Variants in CDH13 observed in about 807,000 individuals in gnomAD.
The protein encoded by CDH13 is cadherin 13.
In CDH13, 24 loss-of-function variants were observed where a neutral mutation model predicts 63.8. That is an observed-to-expected ratio of 0.38 (90% confidence interval 0.27 to 0.53). The LOEUF (loss-of-function observed/expected upper bound fraction) is 0.53. Among genes scored for constraint, CDH13 ranks in the 20% least tolerant of loss-of-function variants. CDH13 has a pLI of 0.85. For missense variants in CDH13, 1,049 were observed against 903.1 expected (o/e 1.16, Z -2.07); for synonymous variants, 503 against 355.3 (o/e 1.42, Z -4.67).
At chr16:83,563,186 C>G (rs2150691327) in intron 7 of CDH13, among the ~76,000 whole-genome samples, 1 of 152,322 alleles carries the variant, frequency 6.6e-6, no homozygotes, top group South Asian at 2.1e-4. Flanking sequence ...TGGCATCTAC[C>G]AGCTGCTTCC....
In CDH13 at chr16:82,769,424, G is replaced by C. The variant is rs576754618; in HGVS notation, c.46-88938G>C. On this transcript the variant is annotated intron_variant, in intron 1 of 13. Transcript: ENST00000567109. Reference sequence around the variant, plus strand: ...CTGTATCCTCCTGTGTTAGAAAATGGGGTATTAAAAAGGCTTCATGCCCTC... The same window carrying C: ...CTGTATCCTCCTGTGTTAGAAAATGCGGTATTAAAAAGGCTTCATGCCCTC... Among the ~76,000 whole-genome samples the C allele has an allele frequency of 3.9e-5, 6 of 152,226 alleles. No individual in the cohort carries two copies. In the South Asian group the frequency reaches 1.2e-3, roughly 32 times the overall value.
chr16:83,039,947 G>A (rs757001303), intron 3 of CDH13, among the ~76,000 whole-genome samples: 3 of 151,898 alleles, frequency 2.0e-5, no homozygotes, highest in African/African-American at 7.3e-5. Flanking sequence ...TCCCCCAGCT[G>A]GCTAGGTGTT....
At chr16:83,370,607 C>A (rs1012595415) in intron 6 of CDH13, among the ~76,000 whole-genome samples, 1 of 152,046 alleles carries the variant, frequency 6.6e-6, no homozygotes, top group Non-Finnish European at 1.5e-5. Context: ...TTTTTGTTCT[C>A]ACCCTCTTCC....
intron 5 of CDH13, among the ~76,000 whole-genome samples, chr16:83,248,248 G>C (rs1905157819): frequency 1.3e-5 from 2 of 152,138 alleles, no homozygotes; most frequent in Non-Finnish European, 2.9e-5. Flanking sequence ...AGAGAATAGT[G>C]TGCATGAGCT....
At chr16:82,814,526 G>A (rs1288338521) in intron 1 of CDH13, among the ~76,000 whole-genome samples, 1 of 152,160 alleles carries the variant, frequency 6.6e-6, no homozygotes, top group Admixed American at 6.5e-5. Context: ...AGGGCTTCCA[G>A]GTTGCTGAAC....
intron 5 of CDH13, among the ~76,000 whole-genome samples, chr16:83,280,097 T>C (rs183769888): frequency 5.3e-5 from 8 of 152,326 alleles, no homozygotes; most frequent in African/African-American, 1.7e-4. Flanking sequence ...TTTTTTAAAA[T>C]AAGACAACAA....
chr16:82,702,432 G>C (rs1404324638), intron 1 of CDH13, among the ~76,000 whole-genome samples: 3 of 152,164 alleles, frequency 2.0e-5, no homozygotes, highest in African/African-American at 4.8e-5. Context: ...GTTCGTCTCA[G>C]TGCTCCCCAG....
chr16:83,212,415 C>G (rs1156511011), intron 4 of CDH13, among the ~76,000 whole-genome samples: 1 of 152,166 alleles, frequency 6.6e-6, no homozygotes, highest in Non-Finnish European at 1.5e-5. Flanking sequence ...TGAAGAGGGA[C>G]TTTCCCCACT....
intron 10 of CDH13, among the ~76,000 whole-genome samples, chr16:83,716,591 C>A (rs943306036): frequency 3.3e-5 from 5 of 152,158 alleles, no homozygotes; most frequent in Non-Finnish European, 4.4e-5. Flanking sequence ...TCAAGCAATC[C>A]TCCTGCCTCA....
chr16:83,152,644 A>C (rs2037033880), intron 4 of CDH13, among the ~76,000 whole-genome samples: 1 of 152,224 alleles, frequency 6.6e-6, no homozygotes, highest in South Asian at 2.1e-4. Flanking sequence ...AAACCTTAGC[A>C]ATAATATGGG....
chr16:83,759,818 C>T (rs1332384279), intron 11 of CDH13, among the ~76,000 whole-genome samples: 3 of 151,848 alleles, frequency 2.0e-5, no homozygotes, highest in Non-Finnish European at 4.4e-5. Context: ...GTCCCAGCTA[C>T]ACAGGAGGCT....
At chr16:83,113,138 T>C (rs567406806) in intron 3 of CDH13, among the ~76,000 whole-genome samples, 3 of 152,314 alleles carry the variant, frequency 2.0e-5, no homozygotes, top group South Asian at 4.1e-4. Flanking sequence ...CTGCGGTAGA[T>C]TCTGGTTTAA....
chr16:83,329,949 C>A (rs2090446584), intron 5 of CDH13, among the ~76,000 whole-genome samples: 1 of 152,130 alleles, frequency 6.6e-6, no homozygotes, highest in Non-Finnish European at 1.5e-5. Context: ...TGGGTTGTTT[C>A]TATTTTTTAA....
chr16:83,656,619 C>A (rs1912894714), intron 8 of CDH13, among the ~76,000 whole-genome samples: 1 of 152,136 alleles, frequency 6.6e-6, no homozygotes, highest in South Asian at 2.1e-4. Flanking sequence ...GCATTGTTAC[C>A]CTTGAATGGT....
chr16:82,792,465 C>T (rs779600235), intron 1 of CDH13, among the ~76,000 whole-genome samples: 1 of 152,264 alleles, frequency 6.6e-6, no homozygotes, highest in Middle Eastern at 3.4e-3. Context: ...GTGCAAGTCC[C>T]AATACACAAT....
intron 5 of CDH13, among the ~76,000 whole-genome samples, chr16:83,309,383 C>CT (rs144221361): frequency 0.39 from 57,909 of 149,736 alleles, 11,238 homozygotes; most frequent in East Asian, 0.51. Flanking sequence ...TCTCTCCCTT[C>CT]TTTTTTTTTT....
intron 6 of CDH13, among the ~76,000 whole-genome samples, chr16:83,426,275 G>A (rs1053185168): frequency 6.6e-6 from 1 of 152,088 alleles, no homozygotes; most frequent in African/African-American, 2.4e-5. Context: ...TCTCCTTTCA[G>A]CATTTGAGTG....
Position 83,154,846 on chromosome 16 carries a change from T to C in CDH13, c.483+29345T>C, listed in dbSNP as rs530446797. Among the ~76,000 whole-genome samples, 3 of 152,332 alleles carry C rather than the reference T, an allele frequency of 2.0e-5. No homozygotes were observed. In the South Asian group the frequency reaches 6.2e-4, roughly 32 times the overall value. On this transcript the variant is annotated intron_variant, in intron 4 of 13. Coordinates refer to ENST00000567109, the MANE Select transcript of CDH13 (RefSeq NM_001257.5). ...TGCAAGTAAATGTTAAATGATGTTATTTCAACCGGTTTTTCTGTAGCAAAA... is the reference window on the plus strand; with the variant it reads ...TGCAAGTAAATGTTAAATGATGTTACTTCAACCGGTTTTTCTGTAGCAAAA...
At chr16:83,192,494 T>A (rs899373956) in intron 4 of CDH13, among the ~76,000 whole-genome samples, 1 of 152,308 alleles carries the variant, frequency 6.6e-6, no homozygotes, top group East Asian at 1.9e-4. Context: ...TTTTTGTGAT[T>A]CCCAGCTCTC....
Sources: gnomAD v4.1 joint callset for allele counts (sites outside exome capture counted in the v4.1 genomes callset) on GRCh38, gnomAD v4.1.1 for gene constraint, MANE v1.5 for transcripts, NCBI Gene and HGNC (gene_info 2026-07-23, HGNC 2026-07-21) for gene names.